The following MROH7 variants were observed in gnomAD, a reference collection of about 807,000 sequenced individuals.
MROH7 encodes maestro heat like repeat family member 7.
A neutral mutation model predicts 129.2 loss-of-function variants in MROH7; 113 were observed. The ratio of observed to expected loss-of-function variants is 0.87; its 90% CI spans 0.75 to 1.02. The LOEUF (loss-of-function observed/expected upper bound fraction) is 1.02, where lower values mean the gene tolerates loss of function less well. Among genes scored for constraint, MROH7 ranks in the 50% least tolerant of loss-of-function variants. The probability of loss-of-function intolerance (pLI) is 0.00; values close to 1 mark genes in which losing one functional copy is unlikely to be tolerated. For synonymous variants in MROH7, 655 were observed against 667.9 expected (o/e 0.98, Z 0.30); for missense variants, 1,601 against 1,671.3 (o/e 0.96, Z 0.73).
At chr1:54,688,009 C>T (rs1349705237) in intron 15 of MROH7, among the ~76,000 whole-genome samples, 2 of 149,932 alleles carry the variant, frequency 1.3e-5, no homozygotes, top group Admixed American at 6.7e-5. Flanking sequence ...CGCTTGAAGT[C>T]AGGAGTTCAA....
intron 1 of MROH7, among the ~76,000 whole-genome samples, chr1:54,642,217 T>C (rs1004490299): frequency 1.3e-5 from 2 of 152,198 alleles, no homozygotes; most frequent in African/African-American, 4.8e-5. Flanking sequence ...TGAACATTTA[T>C]TGAGGACTTG....
At position 54,691,803 on chromosome 1, in the gene MROH7, A is replaced by AAAGTGTGTGTGT. The variant is rs778263944; in HGVS notation, c.2712-621_2712-620insAAGTGTGTGTGT. ...CCTGGCGACAAAAAAAAAAAAAAAA[A>AAAGTGTGTGTGT]GTGTGTGTGTGTGTGTGTGTGTGTG... On this transcript the variant is annotated intron_variant, in intron 15 of 23. Transcript: ENST00000421030. Among the ~76,000 whole-genome samples the AAAGTGTGTGTGT allele has an allele frequency of 3.0e-3, 315 of 104,148 alleles. 5 individuals carry two copies. Among genetic ancestry groups the AAAGTGTGTGTGT allele is most frequent in the African/African-American group, 0.012 (309 of 25,362 alleles). 68.3% of individuals were successfully genotyped at this position (104,148 alleles called of 152,430 possible). A position where few individuals can be genotyped will look rare whatever the true frequency, so the allele number is the denominator to read the frequency against.
chr1:54,709,227 T>C, intron 23 of MROH7, 151 bp downstream of exon 23: 1 of 764,696 alleles, frequency 1.3e-6, no homozygotes, highest in South Asian at 1.7e-5. Flanking sequence ...GTTTGTTTGT[T>C]TGTTTGTTTT....
chr1:54,654,176 C>T lies in MROH7; in HGVS notation c.1231+19C>T. ...CCTGAGGGTAAGGCCAGGGCCGCAG[C>T]CCTAGAGAGAGCACTGTCCTGGAGG... On this transcript the variant is annotated intron_variant, in intron 3 of 23. Coordinates refer to ENST00000421030, the MANE Select transcript of MROH7 (RefSeq NM_001039464.4). The T allele has an allele frequency of 6.3e-7, 1 of 1,574,810 alleles. No homozygotes were observed. The highest frequency in any genetic ancestry group is 8.6e-7 in the Non-Finnish European group (1 of 1,161,082).
chr1:54,643,756 G>A (rs1476724335), intron 1 of MROH7, among the ~76,000 whole-genome samples: 1 of 152,154 alleles, frequency 6.6e-6, no homozygotes, highest in Non-Finnish European at 1.5e-5. Flanking sequence ...GAATGTCATG[G>A]TTAGACTTGC....
At position 54,686,283 on chromosome 1, in the gene MROH7, T is replaced by C. The variant is rs1392078555; in HGVS notation, c.2546T>C (p.Leu849Pro). 6 of 1,613,810 alleles carry C rather than the reference T, an allele frequency of 3.7e-6. No individual in the cohort carries two copies. The African/African-American group carries it at 4.0e-5, about 11-fold the overall frequency. ...GCAGCCAGCGGCCTGTGCGAGCTCC[T>C]GTCCGTCAACAGCTGCATGGGCCGT... Reference protein sequence around the residue: ...LAAASGLCELLSVNSCMGRVR... With the variant: ...LAAASGLCELPSVNSCMGRVR... Residue 849 changes from leucine to proline, a missense_variant, in exon 15 of 24, where the codon CTG (leucine) becomes CCG (proline). By Grantham distance (98) the Leu-to-Pro change is moderately conservative. Coordinates refer to ENST00000421030, the MANE Select transcript of MROH7 (RefSeq NM_001039464.4).
intron 11 of MROH7, 69 bp from the exon 12 acceptor site, chr1:54,679,194 G>A: frequency 1.3e-6 from 2 of 1,525,358 alleles, no homozygotes; most frequent in Non-Finnish European, 1.8e-6. Context: ...GTGCCTCTGT[G>A]CACAAAGCTC....
chr1:54,669,066 T>A, intron 5 of MROH7, 129 bp downstream of exon 5: 1 of 661,244 alleles, frequency 1.5e-6, no homozygotes, highest in Non-Finnish European at 2.6e-6. Flanking sequence ...AGGCAGGACA[T>A]CGGGAATTGA....
At chr1:54,700,842 G>C (rs1645423471) in intron 18 of MROH7, among the ~76,000 whole-genome samples, 1 of 152,190 alleles carries the variant, frequency 6.6e-6, no homozygotes, top group Admixed American at 6.5e-5. Context: ...GCTATGAAAG[G>C]ACAGGACATA....
intron 22 of MROH7, among the ~76,000 whole-genome samples, chr1:54,707,265 C>G (rs959234593): frequency 6.6e-6 from 1 of 152,204 alleles, no homozygotes; most frequent in African/African-American, 2.4e-5. Flanking sequence ...TAACCACATG[C>G]CCTTCACCAA....
intron 23 of MROH7, 101 bp downstream of exon 23, chr1:54,709,177 A>T: frequency 8.7e-7 from 1 of 1,145,384 alleles, no homozygotes; most frequent in South Asian, 1.3e-5. Context: ...TCCCAAGACA[A>T]GGGTCTTCAA....
intron 3 of MROH7, 120 bp from the exon 4 acceptor site, chr1:54,665,047 G>A: frequency 1.5e-6 from 1 of 678,634 alleles, no homozygotes; most frequent in Non-Finnish European, 2.6e-6. Context: ...AAAGCTCAGT[G>A]TGGCTGCTGG....
chr1:54,695,628 G>A, intron 17 of MROH7, 138 bp downstream of exon 17: 1 of 714,038 alleles, frequency 1.4e-6, no homozygotes, highest in South Asian at 1.5e-5. Context: ...TGACTATGAT[G>A]ATCTTGTTGG....
intron 22 of MROH7, among the ~76,000 whole-genome samples, chr1:54,708,393 C>T (rs1380542556): frequency 6.6e-6 from 1 of 151,724 alleles, no homozygotes; most frequent in African/African-American, 2.4e-5. Flanking sequence ...TGCCACTGCA[C>T]TCCAGTCTGG....
At chr1:54,692,053 C>G (rs1476480192) in intron 15 of MROH7, among the ~76,000 whole-genome samples, 1 of 152,096 alleles carries the variant, frequency 6.6e-6, no homozygotes, top group Non-Finnish European at 1.5e-5. Context: ...GCTGGGTATG[C>G]AGTTTGAGAA....
chr1:54,697,193 G>A (rs1273696350), intron 17 of MROH7: 4 of 155,524 alleles, frequency 2.6e-5, no homozygotes, highest in African/African-American at 9.6e-5. Flanking sequence ...TGCTTGGATA[G>A]TGTGAAGGTT....
At position 54,654,051 on chromosome 1, in the gene MROH7, G is replaced by A. The variant is rs201431878; in HGVS notation, c.1125G>A (p.Glu375=). The A allele has an allele frequency of 6.4e-5, 103 of 1,614,234 alleles. No homozygotes were observed. The East Asian group carries it at 2.3e-3, about 35-fold the overall frequency. Residue 375 remains glutamate, a synonymous_variant, in exon 3 of 24, where the codon GAG becomes GAA. Coordinates refer to ENST00000421030, the MANE Select transcript of MROH7 (RefSeq NM_001039464.4). Reference sequence around the variant, plus strand: ...CTGTGCCCCTGGAGGAGAATCTGGAGAGTTGGAGTGAGATGGCCAGCATTA... The same window carrying A: ...CTGTGCCCCTGGAGGAGAATCTGGAAAGTTGGAGTGAGATGGCCAGCATTA... ...IHTVPLEENL[E]SWSEMASIKV...
chr1:54,668,749 C>T, intron 4 of MROH7, 105 bp from the exon 5 acceptor site: 1 of 757,560 alleles, frequency 1.3e-6, no homozygotes, highest in Non-Finnish European at 2.3e-6. Context: ...CCAATGCTGG[C>T]TTGCCTGTAG....
intron 17 of MROH7, chr1:54,699,049 C>T (rs1645368874): frequency 6.6e-6 from 1 of 151,824 alleles, no homozygotes; most frequent in African/African-American, 2.4e-5. Context: ...CCACCTCAGT[C>T]TCTCAAAGTG....
Sources: allele counts gnomAD v4.1 joint callset (sites outside exome capture counted in the v4.1 genomes callset), GRCh38; gene constraint gnomAD v4.1.1; transcripts MANE v1.5; gene names NCBI Gene and HGNC (gene_info 2026-07-23, HGNC 2026-07-21).